Variants in RANBP2 observed in about 807,000 individuals in gnomAD.
RANBP2 encodes the protein E3 SUMO-protein ligase RanBP2.
In RANBP2, 57 loss-of-function variants were observed where a neutral mutation model predicts 303.6. The ratio of observed to expected loss-of-function variants is 0.19; its 90% CI spans 0.15 to 0.23. The LOEUF is 0.23. Ranked by LOEUF, RANBP2 falls within the 10% of genes least tolerant of loss-of-function variation. The pLI is 1.00. For synonymous variants in RANBP2, 1,167 were observed against 1,301.5 expected (o/e 0.90, Z 2.23); for missense variants, 3,138 against 3,780.8 (o/e 0.83, Z 4.46).
the RANBP2 span, among the ~76,000 whole-genome samples, chr2:109,034,218 G>A: frequency 8.2e-6 from 1 of 122,126 alleles, no homozygotes; most frequent in African/African-American, 3.1e-5. Flanking sequence ...GTTGGAGTGA[G>A]CCAAGAGTGT....
chr2:109,394,669 A>G, the RANBP2 span, among the ~76,000 whole-genome samples: 1 of 152,228 alleles, frequency 6.6e-6, no homozygotes, highest in East Asian at 1.9e-4. Context: ...GTGCACATCT[A>G]TGTAGGAGGG....
chr2:109,169,341 TGA>T, the RANBP2 span, among the ~76,000 whole-genome samples: 1 of 50,222 alleles, frequency 2.0e-5, no homozygotes, highest in Non-Finnish European at 4.4e-5. Flanking sequence ...AATTAATTTC[TGA>T]GCCCACCAAG....
the RANBP2 span, among the ~76,000 whole-genome samples, chr2:109,046,390 TTTTTTCTTTTC>T: frequency 1.5e-5 from 1 of 64,688 alleles, no homozygotes; most frequent in Non-Finnish European, 4.2e-5. Flanking sequence ...TAAACTTACT[TTTTTTCTTTTC>T]TTTTCTTTTC....
chr2:108,796,723 AAGGACAGAC>A, the RANBP2 span, among the ~76,000 whole-genome samples: 14 of 152,320 alleles, frequency 9.2e-5, no homozygotes, highest in East Asian at 2.7e-3. Context: ...CCAGGCACAG[AAGGACAGAC>A]ATTGCATGTT....
In RANBP2 at chr2:108,763,102, T is replaced by C. The variant is rs1029265903; in HGVS notation, c.2698-135T>C. The C allele has an allele frequency of 1.7e-5, 18 of 1,054,138 alleles. No individual in the cohort carries two copies. The African/African-American group carries it at 2.5e-4, about 15-fold the overall frequency. 65.3% of individuals were successfully genotyped at this position (1,054,138 alleles called of 1,614,324 possible). On this transcript the variant is annotated intron_variant, in intron 19 of 28. Coordinates refer to ENST00000283195, the MANE Select transcript of RANBP2 (RefSeq NM_006267.5). The stretch of plus-strand genomic sequence containing the variant: ...GCAGCCTCTGGCATAAACGGGTTAA[T>C]GATGTGTACTACATCCCCTAATGAG...
the RANBP2 span, among the ~76,000 whole-genome samples, chr2:109,319,028 G>A: frequency 1.3e-5 from 2 of 152,214 alleles, no homozygotes; most frequent in Non-Finnish European, 1.5e-5. Flanking sequence ...AGATGGGAAA[G>A]GAGTGGCTCT....
the RANBP2 span, among the ~76,000 whole-genome samples, chr2:108,795,876 A>G: frequency 0.011 from 1,607 of 152,324 alleles, 36 homozygotes; most frequent in African/African-American, 0.036. Context: ...AAGGAATGTC[A>G]GAGTAAAAAG....
At chr2:108,761,273 C>A (rs1418839008) in intron 18 of RANBP2, among the ~76,000 whole-genome samples, 15 of 150,782 alleles carry the variant, frequency 9.9e-5, no homozygotes, top group Non-Finnish European at 2.1e-4. Flanking sequence ...TGTAAGGTTT[C>A]CAAAATCAAA....
At chr2:109,610,316 T>C in the RANBP2 span, among the ~76,000 whole-genome samples, 1 of 152,102 alleles carries the variant, frequency 6.6e-6, no homozygotes, top group Non-Finnish European at 1.5e-5. Context: ...TCTCAATCTC[T>C]TGACCTCATG....
the RANBP2 span, among the ~76,000 whole-genome samples, chr2:109,651,061 C>T: frequency 2.0e-4 from 30 of 152,190 alleles, no homozygotes; most frequent in African/African-American, 6.0e-4. Context: ...GTATTTAACT[C>T]CTGCCAGGAC....
At chr2:108,723,307 A>G (rs826536) in intron 1 of RANBP2, among the ~76,000 whole-genome samples, 1 of 144,260 alleles carries the variant, frequency 6.9e-6, no homozygotes, top group African/African-American at 2.5e-5. Flanking sequence ...TGAGACGGAG[A>G]CTCGCTCTAT....
the RANBP2 span, among the ~76,000 whole-genome samples, chr2:108,963,208 C>T: frequency 6.6e-6 from 1 of 152,150 alleles, no homozygotes; most frequent in African/African-American, 2.4e-5. Context: ...TGAAGTTTTA[C>T]ATGATGTATT....
the RANBP2 span, among the ~76,000 whole-genome samples, chr2:108,803,185 T>G: frequency 6.6e-6 from 1 of 152,214 alleles, no homozygotes; most frequent in East Asian, 1.9e-4. Context: ...TAAACTGAGC[T>G]CCATTCTCCA....
At chr2:108,823,764 G>C in the RANBP2 span, among the ~76,000 whole-genome samples, 1 of 152,194 alleles carries the variant, frequency 6.6e-6, no homozygotes, top group Admixed American at 6.5e-5. Context: ...GCGATTACCT[G>C]AGGTCAGGAG....
At chr2:109,275,886 G>C in the RANBP2 span, among the ~76,000 whole-genome samples, 1 of 152,190 alleles carries the variant, frequency 6.6e-6, no homozygotes, top group South Asian at 2.1e-4. Context: ...TCCACTCTAG[G>C]TTTATGGAGA....
chr2:109,563,389 G>A, the RANBP2 span, among the ~76,000 whole-genome samples: 1 of 152,152 alleles, frequency 6.6e-6, no homozygotes, highest in Non-Finnish European at 1.5e-5. Flanking sequence ...TTACTCTGGT[G>A]CAGGTGCTAA....
At chr2:109,657,798 C>T in the RANBP2 span, among the ~76,000 whole-genome samples, 2 of 144,204 alleles carry the variant, frequency 1.4e-5, no homozygotes, top group African/African-American at 5.2e-5. Flanking sequence ...TGGCTCACTG[C>T]AACCTCCTCC....
At chr2:109,201,200 A>G in the RANBP2 span, among the ~76,000 whole-genome samples, 1 of 152,246 alleles carries the variant, frequency 6.6e-6, no homozygotes, top group Non-Finnish European at 1.5e-5. Context: ...CGGTCCTGAA[A>G]TGATGCTTTA....
chr2:109,230,926 A>G, the RANBP2 span, among the ~76,000 whole-genome samples: 2 of 152,244 alleles, frequency 1.3e-5, no homozygotes, highest in Non-Finnish European at 2.9e-5. Context: ...GGACAGCTCA[A>G]ACAGGAAGGC....
Sources: gnomAD v4.1 joint callset for allele counts (sites outside exome capture counted in the v4.1 genomes callset) on GRCh38, gnomAD v4.1.1 for gene constraint, MANE v1.5 for transcripts, NCBI Gene and HGNC (gene_info 2026-07-23, HGNC 2026-07-21) for gene names.